The following MAP4K4 variants were observed in gnomAD, a reference collection of about 807,000 sequenced individuals.
MAP4K4 encodes mitogen-activated protein kinase kinase kinase kinase 4, also known as HPK/GCK-like kinase HGK.
MAP4K4 carries 38 observed loss-of-function variants against 189.6 expected under a neutral mutation model. That is an observed-to-expected ratio of 0.20 (90% CI 0.15 to 0.26). The LOEUF (loss-of-function observed/expected upper bound fraction) is 0.26. Among genes scored for constraint, MAP4K4 ranks in the 10% least tolerant of loss-of-function variants. The pLI, the probability that MAP4K4 is intolerant of heterozygous loss-of-function variation, is 1.00. For missense variants in MAP4K4, 1,054 were observed against 1,726.9 expected (o/e 0.61, Z 6.91); for synonymous variants, 610 against 624.3 (o/e 0.98, Z 0.34).
exon 12 of MAP4K4, chr2:101,844,257 A>G: frequency 6.3e-7 from 1 of 1,578,832 alleles, no homozygotes; most frequent in Non-Finnish European, 8.6e-7. Context: ...AACTGCTGGC[A>G]GAGAGACAGA....
intron 5 of MAP4K4, among the ~76,000 whole-genome samples, chr2:101,828,718 C>A (rs2096474848): frequency 6.6e-6 from 1 of 152,174 alleles, no homozygotes; most frequent in Admixed American, 6.5e-5. Context: ...AAATAGGTTG[C>A]TTGTATCTTA....
At chr2:101,744,614 G>A (rs2064342432) in intron 2 of MAP4K4, among the ~76,000 whole-genome samples, 1 of 151,998 alleles carries the variant, frequency 6.6e-6, no homozygotes, top group African/African-American at 2.4e-5. Flanking sequence ...TGTGAGGAGT[G>A]GATGGGGCCA....
intron 3 of MAP4K4, among the ~76,000 whole-genome samples, chr2:101,822,633 G>T (rs1203327125): frequency 1.3e-5 from 2 of 152,074 alleles, no homozygotes; most frequent in African/African-American, 4.8e-5. Flanking sequence ...CTTTAGGCTT[G>T]TAAGGCCTTA....
intron 2 of MAP4K4, among the ~76,000 whole-genome samples, chr2:101,718,192 G>T (rs964819144): frequency 6.6e-6 from 1 of 150,662 alleles, no homozygotes; most frequent in South Asian, 2.1e-4. Context: ...GGAGGCAGAG[G>T]TTGCGGTGAG....
intron 2 of MAP4K4, among the ~76,000 whole-genome samples, chr2:101,732,491 G>GC (rs747425927): frequency 3.9e-5 from 6 of 152,090 alleles, no homozygotes; most frequent in Non-Finnish European, 7.4e-5. Context: ...CCATGCAACT[G>GC]CATTTCCCCT....
intron 20 of MAP4K4, 67 bp from the exon 21 acceptor site, chr2:101,867,962 T>A: frequency 6.4e-7 from 1 of 1,558,818 alleles, no homozygotes; most frequent in Non-Finnish European, 8.8e-7. Flanking sequence ...CTCCCGCGCT[T>A]CCTTGTACTG....
At chr2:101,751,799 C>A (rs1037287836) in intron 2 of MAP4K4, among the ~76,000 whole-genome samples, 8 of 152,294 alleles carry the variant, frequency 5.3e-5, no homozygotes, top group African/African-American at 1.9e-4. Context: ...ATTCTATCTG[C>A]CTTCAAGGTA....
intron 27 of MAP4K4, among the ~76,000 whole-genome samples, chr2:101,880,814 C>G (rs1186404467): frequency 6.6e-6 from 1 of 152,104 alleles, no homozygotes; most frequent in East Asian, 1.9e-4. Context: ...GTGTATAGTT[C>G]TATTTCTGGG....
chr2:101,766,118 C>T (rs1223183456), intron 2 of MAP4K4, among the ~76,000 whole-genome samples: 3 of 152,218 alleles, frequency 2.0e-5, no homozygotes, highest in African/African-American at 7.2e-5. Flanking sequence ...TTATCTTTGA[C>T]TGCTTCTGAG....
chr2:101,807,950 C>T (rs1336809467), intron 3 of MAP4K4, among the ~76,000 whole-genome samples: 1 of 152,208 alleles, frequency 6.6e-6, no homozygotes, highest in African/African-American at 2.4e-5. Context: ...TAGTTACCTC[C>T]AGGCCCTACC....
At chr2:101,829,652 C>T (rs2096530418) in intron 6 of MAP4K4, 58 bp downstream of exon 6, 2 of 1,162,336 alleles carry the variant, frequency 1.7e-6, no homozygotes, top group Admixed American at 1.9e-5. Flanking sequence ...GCCAGCTGCA[C>T]TCCCAGTTCT....
chr2:101,806,152 G>C (rs151167320), intron 3 of MAP4K4, among the ~76,000 whole-genome samples: 371 of 152,164 alleles, frequency 2.4e-3, no homozygotes, highest in African/African-American at 8.6e-3. Context: ...TAATGAGAAG[G>C]ATGTTTTAAA....
At chr2:101,883,988 G>GA (rs1377841345) in intron 28 of MAP4K4, among the ~76,000 whole-genome samples, 1 of 152,146 alleles carries the variant, frequency 6.6e-6, no homozygotes, top group East Asian at 1.9e-4. Flanking sequence ...TAAATGTAAT[G>GA]AAACAGCTCA....
intron 2 of MAP4K4, among the ~76,000 whole-genome samples, chr2:101,764,704 A>G (rs1379017877): frequency 6.6e-6 from 1 of 152,216 alleles, no homozygotes; most frequent in Non-Finnish European, 1.5e-5. Flanking sequence ...TTGAATTAAT[A>G]TAAGCCCTGC....
At chr2:101,825,199 T>C in intron 4 of MAP4K4, 120 bp from the exon 5 acceptor site, 1 of 591,400 alleles carries the variant, frequency 1.7e-6, no homozygotes. Flanking sequence ...CAAATTATTA[T>C]GAATTATTGA....
At chr2:101,888,867 C>G in exon 32 of MAP4K4, 1 of 1,613,514 alleles carries the variant, frequency 6.2e-7, no homozygotes, top group Non-Finnish European at 8.5e-7. Flanking sequence ...GGAAACTGGT[C>G]ACTTGGATGG....
At chr2:101,814,288 T>C (rs1392711323) in intron 3 of MAP4K4, among the ~76,000 whole-genome samples, 1 of 152,216 alleles carries the variant, frequency 6.6e-6, no homozygotes, top group Non-Finnish European at 1.5e-5. Context: ...TTAAAATACC[T>C]TGATTCTATT....
intron 2 of MAP4K4, among the ~76,000 whole-genome samples, chr2:101,765,420 C>G (rs540797750): frequency 2.0e-5 from 3 of 152,280 alleles, no homozygotes; most frequent in African/African-American, 7.2e-5. Flanking sequence ...GCCACCATCT[C>G]CCGGGCTCAG....
chr2:101,894,677 A>G (rs1380940657), exon 33 of MAP4K4: 3 of 152,418 alleles, frequency 2.0e-5, no homozygotes, highest in Non-Finnish European at 4.4e-5. Context: ...TAAATAAAGT[A>G]AAAATGACAC....
Sources: gnomAD v4.1 joint callset for allele counts (sites outside exome capture counted in the v4.1 genomes callset) on GRCh38, gnomAD v4.1.1 for gene constraint, MANE v1.5 for transcripts, NCBI Gene and HGNC (gene_info 2026-07-23, HGNC 2026-07-21) for gene names.